The following TRIM23 variants were observed in gnomAD, a reference collection of about 807,000 sequenced individuals.
TRIM23 encodes E3 ubiquitin-protein ligase TRIM23.
Under a neutral mutation model 71.0 loss-of-function variants are expected in TRIM23, and 27 were observed. The observed-to-expected ratio is 0.38, with a 90% CI of 0.28 to 0.52. The LOEUF is 0.52. Among genes scored for constraint, TRIM23 ranks in the 20% least tolerant of loss-of-function variants. The probability of loss-of-function intolerance (pLI) is 0.84; values close to 1 mark genes in which losing one functional copy is unlikely to be tolerated. For missense variants in TRIM23, 482 were observed against 692.3 expected (o/e 0.70, Z 3.41); for synonymous variants, 234 against 238.0 (o/e 0.98, Z 0.16).
At chr5:65,604,802 C>T in intron 7 of TRIM23, 109 bp downstream of exon 7, 1 of 1,079,814 alleles carries the variant, frequency 9.3e-7, no homozygotes, top group Non-Finnish European at 1.3e-6. Flanking sequence ...TCTTAAAAAG[C>T]CCCTAATTCA....
chr5:65,624,063 G>T, intron 1 of TRIM23, 131 bp downstream of exon 1: 2 of 1,014,636 alleles, frequency 2.0e-6, no homozygotes, highest in Non-Finnish European at 2.9e-6. Flanking sequence ...GACGAGACTT[G>T]TAATGCCAAA....
In TRIM23 at chr5:65,618,232, T is replaced by G. The variant is rs1754823984; in HGVS notation, c.105A>C (p.Glu35Asp). The change falls in exon 2 of 11, where the codon GAA becomes GAC. Residue 35 changes from glutamate to aspartate, a missense_variant. Transcript: ENST00000231524. ...TGTCTCCTTGCAAAGAAAAGACATCTTCACAAACTCCACACTCTAGCACCT... is the reference window on the plus strand; with the variant it reads ...TGTCTCCTTGCAAAGAAAAGACATCGTCACAAACTCCACACTCTAGCACCT... ...VVKVLECGVC[E>D]DVFSLQGDKV... is the part of the protein sequence containing the mutation. The G allele has an allele frequency of 6.2e-7, 1 of 1,613,958 alleles. No homozygotes were observed. Among genetic ancestry groups the G allele is most frequent in the Non-Finnish European group, 8.5e-7 (1 of 1,179,934 alleles).
intron 1 of TRIM23, among the ~76,000 whole-genome samples, chr5:65,619,599 T>C (rs1754870697): frequency 6.6e-6 from 1 of 152,216 alleles, no homozygotes; most frequent in South Asian, 2.1e-4. Flanking sequence ...TCTTTCACCA[T>C]ACAGTGATAA....
intron 10 of TRIM23, among the ~76,000 whole-genome samples, chr5:65,592,960 A>T (rs1754086405): frequency 6.6e-6 from 1 of 152,232 alleles, no homozygotes; most frequent in Non-Finnish European, 1.5e-5. Context: ...ATATATACAC[A>T]TACATACATA....
chr5:65,590,218 T>G lies in TRIM23; in HGVS notation c.*1551A>C. 1 of 924,958 alleles carries G rather than the reference T, an allele frequency of 1.1e-6. No individual in the cohort carries two copies. The highest frequency in any genetic ancestry group is 1.7e-6 in the Non-Finnish European group (1 of 598,870). 57.3% of individuals were successfully genotyped at this position (924,958 alleles called of 1,614,324 possible). ...ACACCTTTTTTATTTTTCACAGTTA[T>G]TGAAATCAGTCAAATATTAAATAAT... On this transcript the variant is annotated 3_prime_UTR_variant, in exon 11 of 11. Coordinates refer to ENST00000231524, the MANE Select transcript of TRIM23 (RefSeq NM_001656.4).
At chr5:65,611,183 A>G in intron 4 of TRIM23, 140 bp from the exon 5 acceptor site, 1 of 758,382 alleles carries the variant, frequency 1.3e-6, no homozygotes, top group Non-Finnish European at 2.0e-6. Flanking sequence ...ATTTACTTTC[A>G]CTCCTTTATA....
chr5:65,616,462 T>C (rs1050202471), intron 2 of TRIM23, among the ~76,000 whole-genome samples: 3 of 151,326 alleles, frequency 2.0e-5, no homozygotes, highest in Non-Finnish European at 2.9e-5. Flanking sequence ...GCCAACATGG[T>C]GAAACCCCAT....
At chr5:65,624,052 G>C in intron 1 of TRIM23, 142 bp downstream of exon 1, 1 of 868,490 alleles carries the variant, frequency 1.2e-6, no homozygotes, top group Non-Finnish European at 1.8e-6. Context: ...GCAGAGGACA[G>C]GACGAGACTT....
chr5:65,606,773 C>G (rs1217347173), intron 6 of TRIM23: 3 of 152,230 alleles, frequency 2.0e-5, no homozygotes, highest in African/African-American at 7.2e-5. Flanking sequence ...CCTGACTACT[C>G]TACTTATTAA....
At chr5:65,593,036 T>C (rs1397496003) in intron 10 of TRIM23, among the ~76,000 whole-genome samples, 2 of 151,000 alleles carry the variant, frequency 1.3e-5, no homozygotes, top group African/African-American at 4.9e-5. Flanking sequence ...AGGATAACCT[T>C]TGGATATCTG....
Position 65,595,108 on chromosome 5 carries a change from C to T in TRIM23, c.1421-463G>A, listed in dbSNP as rs114417596. 9.4e-3 allele frequency among the ~76,000 whole-genome samples: 1,424 copies of T among 152,150 alleles called. 24 individuals carry two copies. Among genetic ancestry groups the T allele is most frequent in the African/African-American group, 0.033 (1,365 of 41,494 alleles). Reference sequence around the variant, plus strand: ...ACTATCTCCAGACTTTCAACCATTCCTCATATTCAAAATTTCATTTTTGTA... The same window carrying T: ...ACTATCTCCAGACTTTCAACCATTCTTCATATTCAAAATTTCATTTTTGTA... On this transcript the variant is annotated intron_variant, in intron 9 of 10. Coordinates refer to ENST00000231524, the MANE Select transcript of TRIM23 (RefSeq NM_001656.4).
At chr5:65,600,152 A>C (rs1229893476) in intron 7 of TRIM23, among the ~76,000 whole-genome samples, 1 of 152,186 alleles carries the variant, frequency 6.6e-6, no homozygotes, top group African/African-American at 2.4e-5. Flanking sequence ...AAGGGGGATG[A>C]TACTAAACCA....
chr5:65,604,163 C>A (rs2150629312), intron 7 of TRIM23, among the ~76,000 whole-genome samples: 1 of 152,246 alleles, frequency 6.6e-6, no homozygotes, highest in Non-Finnish European at 1.5e-5. Flanking sequence ...GTGGCGTGAT[C>A]TCAGCTCACT....
rs759272939 is a variant in TRIM23 at position 65,609,324 on chromosome 5, G to C, written c.963C>G (p.Leu321=). 3 of 1,613,996 alleles carry C rather than the reference G, an allele frequency of 1.9e-6. No homozygotes were observed. Among genetic ancestry groups the C allele is most frequent in the Non-Finnish European group, 2.5e-6 (3 of 1,180,040 alleles). Residue 321 remains leucine, a synonymous_variant, in exon 6 of 11, where the codon CTC becomes CTG. Coordinates refer to ENST00000231524, the MANE Select transcript of TRIM23 (RefSeq NM_001656.4). The part of the protein sequence containing the change: ...DAHVREKLIW[L]RQQQEDMTIL... ...TAGTCATATCTTCTTGTTGCTGCCT[G>C]AGCCAAATCAATTTTTCACGAACAT...
chr5:65,614,941 A>G (rs149171), intron 2 of TRIM23, among the ~76,000 whole-genome samples: 94,012 of 151,648 alleles, frequency 0.62, 29,417 homozygotes, highest in South Asian at 0.65. Context: ...TATGTTGCCC[A>G]GGCTGGTGTG....
At chr5:65,613,262 GCA>G (rs1363950448) in intron 3 of TRIM23, among the ~76,000 whole-genome samples, 1 of 152,168 alleles carries the variant, frequency 6.6e-6, no homozygotes, top group Non-Finnish European at 1.5e-5. Flanking sequence ...TAAAGATTTA[GCA>G]CAGAAAGAAC....
chr5:65,623,635 C>T (rs1402231380), intron 1 of TRIM23, among the ~76,000 whole-genome samples: 1 of 152,168 alleles, frequency 6.6e-6, no homozygotes, highest in Admixed American at 6.6e-5. Flanking sequence ...ATAGACTGTA[C>T]TACTAACAGG....
intron 7 of TRIM23, among the ~76,000 whole-genome samples, chr5:65,599,896 T>G (rs554575217): frequency 6.6e-6 from 1 of 152,198 alleles, no homozygotes; most frequent in Non-Finnish European, 1.5e-5. Flanking sequence ...TACCTGAGAC[T>G]GGGTAATTTA....
Position 65,591,928 on chromosome 5 carries a change from T to C in TRIM23, c.1566A>G (p.Ser522=). The C allele has an allele frequency of 6.2e-7, 1 of 1,613,698 alleles. No individual in the cohort carries two copies. The highest frequency in any genetic ancestry group is 2.2e-5 in the East Asian group (1 of 44,858). The change falls in exon 11 of 11, where the codon TCA becomes TCG. Residue 522 remains serine (S), a synonymous_variant. Coordinates refer to ENST00000231524, the MANE Select transcript of TRIM23 (RefSeq NM_001656.4). ...TGAGTAGTTCAGTGATTTCTTCTAC[T>C]GACAGTGCTCCAGCAACATCCTGAA... ...ANKQDVAGAL[S]VEEITELLSL...
Sources: allele counts gnomAD v4.1 joint callset (sites outside exome capture counted in the v4.1 genomes callset), GRCh38; gene constraint gnomAD v4.1.1; transcripts MANE v1.5; gene names NCBI Gene and HGNC (gene_info 2026-07-23, HGNC 2026-07-21).